Variants in ELAVL1 observed in about 807,000 individuals in gnomAD.
ELAVL1 encodes the protein ELAV like RNA binding protein 1, also known as ELAV-like protein 1.
A neutral mutation model predicts 28.4 loss-of-function variants in ELAVL1; 1 was observed. The ratio of observed to expected loss-of-function variants is 0.04; its 90% CI spans 0.01 to 0.17. The LOEUF (loss-of-function observed/expected upper bound fraction) is 0.17. Among genes scored for constraint, ELAVL1 ranks in the 10% least tolerant of loss-of-function variants. The pLI is 1.00. For synonymous variants in ELAVL1, 174 were observed against 183.5 expected (o/e 0.95, Z 0.42); for missense variants, 157 against 447.2 (o/e 0.35, Z 5.85).
Position 7,962,545 on chromosome 19 carries a change from C to G in ELAVL1, c.*938G>C, listed in dbSNP as rs1013077789. On this transcript the variant is annotated 3_prime_UTR_variant, in exon 6 of 6. Coordinates refer to ENST00000407627, the MANE Select transcript of ELAVL1 (RefSeq NM_001419.3). ...ACTAAAATAGAAAAAGGTCTAAGCGCTCACGAGAAGGGATGCGAGAAATAC... is the reference window on the plus strand; with the variant it reads ...ACTAAAATAGAAAAAGGTCTAAGCGGTCACGAGAAGGGATGCGAGAAATAC... 4 of 152,620 alleles carry G rather than the reference C, an allele frequency of 2.6e-5. No homozygotes were observed. Among genetic ancestry groups the G allele is most frequent in the African/African-American group, 9.6e-5 (4 of 41,460 alleles). 9.5% of individuals were successfully genotyped at this position (152,620 alleles called of 1,614,324 possible).
chr19:7,985,690 G>A (rs1020077302), intron 2 of ELAVL1, among the ~76,000 whole-genome samples: 5 of 152,242 alleles, frequency 3.3e-5, no homozygotes, highest in African/African-American at 7.2e-5. Flanking sequence ...CCTGGGATGG[G>A]AGATGGGATG....
chr19:7,969,857 G>C (rs761508031), intron 4 of ELAVL1, among the ~76,000 whole-genome samples: 2 of 152,082 alleles, frequency 1.3e-5, no homozygotes, highest in Admixed American at 6.6e-5. Context: ...AGTAAGGGGG[G>C]CAGGAGGGAT....
intron 3 of ELAVL1, 119 bp from the exon 4 acceptor site, chr19:7,973,997 G>C (rs1039032183): frequency 7.7e-7 from 1 of 1,306,772 alleles, no homozygotes; most frequent in Non-Finnish European, 1.1e-6. Flanking sequence ...TGCAGGGAAC[G>C]ATTATCATCA....
chr19:7,987,127 G>GGGGGGGGCAGCA (rs397744248), intron 2 of ELAVL1, among the ~76,000 whole-genome samples: 1 of 131,128 alleles, frequency 7.6e-6, no homozygotes, highest in Non-Finnish European at 1.7e-5. Flanking sequence ...GGGGGGGGGG[G>GGGGGGGGCAGCA]AGGGTGCAGC....
In ELAVL1 at chr19:7,963,327, G is replaced by A. The variant is rs911394025; in HGVS notation, c.*156C>T. 14 of 785,190 alleles carry A rather than the reference G, an allele frequency of 1.8e-5. No homozygotes were observed. The highest frequency in any genetic ancestry group is 3.7e-4 in the Middle Eastern group (1 of 2,670). The allele number at this position is 785,190 out of a possible 1,614,324, so 48.6% of individuals were successfully genotyped here. On this transcript the variant is annotated 3_prime_UTR_variant, in exon 6 of 6. Coordinates refer to ENST00000407627, the MANE Select transcript of ELAVL1 (RefSeq NM_001419.3). The surrounding 1 kb of genome is among the most constrained non-coding windows in gnomAD (Gnocchi z 4.5). Reference sequence around the variant, plus strand: ...GGGATTTCAAACATTTGAACATGTCGGTTGCATCCCAGAGTATAAAAACCT... The same window carrying A: ...GGGATTTCAAACATTTGAACATGTCAGTTGCATCCCAGAGTATAAAAACCT...
Position 7,962,439 on chromosome 19 carries a change from T to C in ELAVL1, c.*1044A>G, listed in dbSNP as rs1378659141. On this transcript the variant is annotated 3_prime_UTR_variant, in exon 6 of 6. Coordinates refer to ENST00000407627, the MANE Select transcript of ELAVL1 (RefSeq NM_001419.3). ...TCTTTAAAACTACAAATCAAAGGTTTTGGTTAATAGATAACTGGCAAGAAG... is the reference window on the plus strand; with the variant it reads ...TCTTTAAAACTACAAATCAAAGGTTCTGGTTAATAGATAACTGGCAAGAAG... 2.0e-5 allele frequency: 3 copies of C among 152,614 alleles called. No homozygotes were observed. The allele number at this position is 152,614 out of a possible 1,614,324, so 9.5% of individuals were successfully genotyped here. A position where few individuals can be genotyped will look rare whatever the true frequency, so the allele number is the denominator to read the frequency against.
chr19:7,997,628 A>G (rs1295449031), intron 1 of ELAVL1, among the ~76,000 whole-genome samples: 1 of 152,190 alleles, frequency 6.6e-6, no homozygotes, highest in East Asian at 1.9e-4. Context: ...GAAAAAATGA[A>G]TTTTCCTACA....
chr19:8,002,034 T>C (rs1464952439), intron 1 of ELAVL1: 2 of 1,289,286 alleles, frequency 1.6e-6, no homozygotes, highest in Non-Finnish European at 1.0e-6. Flanking sequence ...AACTGCTCAG[T>C]AGCCACCCCT....
At chr19:7,984,366 A>G (rs1299794925) in intron 2 of ELAVL1, among the ~76,000 whole-genome samples, 1 of 152,156 alleles carries the variant, frequency 6.6e-6, no homozygotes, top group Non-Finnish European at 1.5e-5. Flanking sequence ...CGCAGAGGAG[A>G]TATTTTAAAC....
Position 7,979,727 on chromosome 19 carries a change from G to GC in ELAVL1, c.276+1355dup, listed in dbSNP as rs1985401407. Among the ~76,000 whole-genome samples the GC allele has an allele frequency of 6.6e-6, 1 of 152,170 alleles. No individual in the cohort carries two copies. The highest frequency in any genetic ancestry group is 2.4e-5 in the African/African-American group (1 of 41,446). ...GGACACGAGGAGGCAGGAGTGGCGC[G>GC]CCTGCCCTCAGGGAGCCCACTGCAC... On this transcript the variant is annotated intron_variant, in intron 3 of 5. Transcript: ENST00000407627. This position sits in a 1 kb window ranked among gnomAD's most constrained non-coding sequence, Gnocchi z 5.4.
Position 7,991,666 on chromosome 19 carries a change from T to C in ELAVL1, c.150A>G (p.Lys50=). ...FSSIGEVESA[K]LIRDKVAGHS... is the part of the protein sequence containing the mutation. Reference sequence around the variant, plus strand: ...TACCTGCTACTTTATCCCGAATAAGTTTTGCAGATTCAACTTCACCAATGC... The same window carrying C: ...TACCTGCTACTTTATCCCGAATAAGCTTTGCAGATTCAACTTCACCAATGC... Residue 50 remains lysine (K), a synonymous_variant, in exon 2 of 6, where the codon AAA becomes AAG. Transcript: ENST00000407627. 6.2e-7 allele frequency: 1 copy of C among 1,612,212 alleles called. No homozygotes were observed. Among genetic ancestry groups the C allele is most frequent in the East Asian group, 2.2e-5 (1 of 44,858 alleles).
intron 2 of ELAVL1, among the ~76,000 whole-genome samples, 194 bp downstream of exon 2, chr19:7,991,450 C>T (rs1217776799): frequency 6.6e-6 from 1 of 152,196 alleles, no homozygotes; most frequent in Non-Finnish European, 1.5e-5. Context: ...AATTTTTCCT[C>T]TTTTGGGAAC....
chr19:7,968,816 A>G (rs1198591536), intron 4 of ELAVL1, among the ~76,000 whole-genome samples: 1 of 152,220 alleles, frequency 6.6e-6, no homozygotes, highest in Admixed American at 6.5e-5. Flanking sequence ...GGAGGGAAAC[A>G]TGAGTAGCCC....
chr19:7,962,008 T>C lies in ELAVL1; in HGVS notation c.*1475A>G, dbSNP rs1984826255. 3.3e-5 allele frequency: 5 copies of C among 153,494 alleles called. No individual in the cohort carries two copies. The South Asian group carries it at 1.0e-3, about 32-fold the overall frequency. 9.5% of individuals were successfully genotyped at this position (153,494 alleles called of 1,614,324 possible). ...ATTCTCTCTGTAAACTAGTTATTTA[T>C]AAACGCCAGATCCCAGTCCTGAGGA... On this transcript the variant is annotated 3_prime_UTR_variant, in exon 6 of 6. Transcript: ENST00000407627.
intron 1 of ELAVL1, among the ~76,000 whole-genome samples, chr19:7,993,802 G>A (rs895787181): frequency 2.6e-5 from 4 of 152,084 alleles, no homozygotes; most frequent in Non-Finnish European, 4.4e-5. Flanking sequence ...ACGGTCATGC[G>A]CCTTTGGCCT....
chr19:7,976,906 T>A (rs1985313639), intron 3 of ELAVL1, among the ~76,000 whole-genome samples: 1 of 151,760 alleles, frequency 6.6e-6, no homozygotes, highest in South Asian at 2.1e-4. Flanking sequence ...CAGGTTAGAC[T>A]TGAACTCCTG....
rs1182330108 is a variant in ELAVL1, at chr19:7,981,372, T to TA, written c.173-187dup. ...ACAGGTTCCTTTTTTTTTTTTTTTTTAAAGAGATAGGATCTTGCTCTGTCA... is the reference window on the plus strand; with the variant it reads ...ACAGGTTCCTTTTTTTTTTTTTTTTTAAAAGAGATAGGATCTTGCTCTGTCA... On this transcript the variant is annotated intron_variant, in intron 2 of 5. Coordinates refer to ENST00000407627, the MANE Select transcript of ELAVL1 (RefSeq NM_001419.3). This position sits in a 1 kb window ranked among gnomAD's most constrained non-coding sequence, Gnocchi z 4.2. 4.9e-5 allele frequency among the ~76,000 whole-genome samples: 7 copies of TA among 141,492 alleles called. No individual in the cohort carries two copies. Among genetic ancestry groups the TA allele is most frequent in the African/African-American group, 1.8e-4 (7 of 39,106 alleles). 92.8% of individuals were successfully genotyped at this position (141,492 alleles called of 152,430 possible).
rs1599672768 is a variant in ELAVL1, at chr19:7,982,893, G to A, written c.173-1707C>T. ...TGCTGGAGTCTGTCACAGCTGGAGC[G>A]CCCTTCTCGTCACACGATGTCAAGG... On this transcript the variant is annotated intron_variant, in intron 2 of 5. Coordinates refer to ENST00000407627, the MANE Select transcript of ELAVL1 (RefSeq NM_001419.3). This position sits in a 1 kb window ranked among gnomAD's most constrained non-coding sequence, Gnocchi z 4.3. Among the ~76,000 whole-genome samples, 1 of 152,216 alleles carries A rather than the reference G, an allele frequency of 6.6e-6. No individual in the cohort carries two copies. Among genetic ancestry groups the A allele is most frequent in the African/African-American group, 2.4e-5 (1 of 41,454 alleles).
At chr19:7,980,969 C>T (rs994026509) in intron 3 of ELAVL1, 114 bp downstream of exon 3, 17 of 1,039,942 alleles carry the variant, frequency 1.6e-5, no homozygotes, top group African/African-American at 1.4e-4. Context: ...TGGGAGCCCC[C>T]GAGGAGCGGC....
Sources: gnomAD v4.1 joint callset for allele counts (sites outside exome capture counted in the v4.1 genomes callset) on GRCh38, gnomAD v4.1.1 for gene constraint, Gnocchi (gnomAD v3.1) non-coding constraint, MANE v1.5 for transcripts, NCBI Gene and HGNC (gene_info 2026-07-23, HGNC 2026-07-21) for gene names.